Variants in RBCK1 observed in about 807,000 individuals in gnomAD.
The protein encoded by RBCK1 is ranBP-type and C3HC4-type zinc finger-containing protein 1.
RBCK1 carries 44 observed loss-of-function variants against 71.1 expected under a neutral mutation model. That is an observed-to-expected ratio of 0.62 (90% confidence interval 0.49 to 0.80). The LOEUF (loss-of-function observed/expected upper bound fraction) is 0.80, where lower values mean the gene tolerates loss of function less well. Ranked by LOEUF, RBCK1 falls within the 30% of genes least tolerant of loss-of-function variation. The probability of loss-of-function intolerance (pLI) is 0.00; values close to 1 mark genes in which losing one functional copy is unlikely to be tolerated. For missense variants in RBCK1, 569 were observed against 685.0 expected, an observed-to-expected ratio of 0.83 and a Z score of 1.89; for synonymous variants, 306 against 279.7, an observed-to-expected ratio of 1.09 and a Z score of -0.94.
At chr20:413,781 A>G (rs2015835773) in intron 2 of RBCK1, among the ~76,000 whole-genome samples, 1 of 151,808 alleles carries the variant, frequency 6.6e-6, no homozygotes, top group Non-Finnish European at 1.5e-5. Flanking sequence ...TTCCTAGCAA[A>G]TGATACCTGT....
intron 8 of RBCK1, among the ~76,000 whole-genome samples, chr20:426,423 AGCACCT>A (rs2016718017): frequency 6.6e-6 from 1 of 151,708 alleles, no homozygotes; most frequent in African/African-American, 2.4e-5. Context: ...TTCGATTTTT[AGCACCT>A]GCAAATAAGT....
At chr20:423,859 G>C (rs147820294) in intron 8 of RBCK1, among the ~76,000 whole-genome samples, 3 of 152,286 alleles carry the variant, frequency 2.0e-5, no homozygotes, top group Admixed American at 6.5e-5. Context: ...GGTCTCATCT[G>C]TGATGACTGG....
At chr20:418,068 G>A (rs2016104988) in intron 4 of RBCK1, 138 bp downstream of exon 4, 8 of 862,620 alleles carry the variant, frequency 9.3e-6, no homozygotes, top group Non-Finnish European at 1.4e-5. Flanking sequence ...GGGGAAGAGA[G>A]GACCTAAGAC....
In RBCK1 at chr20:428,999, G is replaced by A. The variant is rs1341818047; in HGVS notation, c.1357G>A (p.Val453Met). Residue 453 changes from valine (V) to methionine (M), a missense_variant, in exon 11 of 12, where the codon GTG becomes ATG. Around this residue, in one of 2 missense-constraint regions of RBCK1, gnomAD observed 211 missense variants for 309.4 expected, o/e 0.68. Coordinates refer to ENST00000356286, the MANE Select transcript of RBCK1 (RefSeq NM_031229.4). This position sits in a 1 kb window ranked among gnomAD's most constrained non-coding sequence, Gnocchi z 5.7. ...CATGCGCTGCCCCCAGTGCCAGATC[G>A]TGGTACAGAAGAAGGACGGCTGCGA... ...EAMRCPQCQI[V>M]VQKKDGCDWI... 6.8e-6 allele frequency: 11 copies of A among 1,611,970 alleles called. No homozygotes were observed. The highest frequency in any genetic ancestry group is 5.0e-5 in the Admixed American group (3 of 59,986).
rs898378642 is a variant in RBCK1, at chr20:428,438, GCTT to G, written c.1210-49_1210-47del. 1.0e-4 allele frequency: 144 copies of G among 1,383,476 alleles called. No homozygotes were observed. In the African/African-American group the frequency reaches 1.8e-3, roughly 18 times the overall value. 85.7% of individuals were successfully genotyped at this position (1,383,476 alleles called of 1,614,324 possible). A position where few individuals can be genotyped will look rare whatever the true frequency, so the allele number is the denominator to read the frequency against. The stretch of plus-strand genomic sequence containing the variant: ...CCTGCCCTGCACCTCACCTCTCCCA[GCTT>G]CTTAACCCCCTGAGGAACCTTCTTA... On this transcript the variant is annotated intron_variant, in intron 9 of 11. Coordinates refer to ENST00000356286, the MANE Select transcript of RBCK1 (RefSeq NM_031229.4). This position sits in a 1 kb window ranked among gnomAD's most constrained non-coding sequence, Gnocchi z 5.7.
At chr20:414,286 C>T (rs2015873130) in intron 2 of RBCK1, among the ~76,000 whole-genome samples, 1 of 152,062 alleles carries the variant, frequency 6.6e-6, no homozygotes, top group African/African-American at 2.4e-5. Flanking sequence ...GTGGCACACA[C>T]CTGTAGTCCC....
rs2016519161 is a variant in RBCK1, at chr20:422,851, T to C, written c.1029+613T>C. 6.6e-6 allele frequency among the ~76,000 whole-genome samples: 1 copy of C among 151,596 alleles called. No individual in the cohort carries two copies. The highest frequency in any genetic ancestry group is 1.5e-5 in the Non-Finnish European group (1 of 67,864). ...TGCCTCAAAAAAAGAAAAAAAAAAT[T>C]AGTCAGGGAACTCTGGAGCCTGGTG... On this transcript the variant is annotated intron_variant, in intron 8 of 11. Coordinates refer to ENST00000356286, the MANE Select transcript of RBCK1 (RefSeq NM_031229.4). The surrounding 1 kb of genome is among the most constrained non-coding windows in gnomAD (Gnocchi z 5.0).
Position 422,062 on chromosome 20 carries a change from A to G in RBCK1, c.918-65A>G, listed in dbSNP as rs1015554320. On this transcript the variant is annotated intron_variant, in intron 7 of 11. Coordinates refer to ENST00000356286, the MANE Select transcript of RBCK1 (RefSeq NM_031229.4). The surrounding 1 kb of genome is among the most constrained non-coding windows in gnomAD (Gnocchi z 5.0). Reference sequence around the variant, plus strand: ...CCCTGGGGTCAGGCCTTGCCATGTGAGGGATGGAGTCCCCAGTGAAGGGGG... The same window carrying G: ...CCCTGGGGTCAGGCCTTGCCATGTGGGGGATGGAGTCCCCAGTGAAGGGGG... 7.6e-7 allele frequency: 1 copy of G among 1,308,526 alleles called. No homozygotes were observed. Among genetic ancestry groups the G allele is most frequent in the Non-Finnish European group, 1.1e-6 (1 of 920,788 alleles). The allele number at this position is 1,308,526 out of a possible 1,614,324, so 81.1% of individuals were successfully genotyped here. A position where few individuals can be genotyped will look rare whatever the true frequency, so the allele number is the denominator to read the frequency against.
chr20:414,799 T>G (rs947888763), intron 2 of RBCK1, among the ~76,000 whole-genome samples: 2 of 152,230 alleles, frequency 1.3e-5, no homozygotes, highest in Non-Finnish European at 2.9e-5. Flanking sequence ...AAGAACATTT[T>G]GGGGTTAAGA....
Position 417,560 on chromosome 20 carries a change from A to G in RBCK1, c.202A>G (p.Thr68Ala), listed in dbSNP as rs779621384. The G allele has an allele frequency of 1.6e-5, 26 of 1,613,792 alleles. No individual in the cohort carries two copies. The highest frequency in any genetic ancestry group is 2.1e-5 in the Non-Finnish European group (25 of 1,180,012). Residue 68 changes from threonine to alanine, a missense_variant, in exon 3 of 12, where the codon ACC becomes GCC. Physicochemically the swap from Thr to Ala is moderately conservative, Grantham distance 58. This residue lies in a region of RBCK1 where 358 missense variants were observed against 375.6 expected (regional missense o/e 0.95). Transcript: ENST00000356286. The surrounding 1 kb of genome is among the most constrained non-coding windows in gnomAD (Gnocchi z 4.7). ...WVSVEDAQMH[T>A]VTIWLTVRPD... Reference sequence around the variant, plus strand: ...GAGCGTGGAGGATGCTCAGATGCACACCGTCACCATCTGGCTCACAGTGCG... The same window carrying G: ...GAGCGTGGAGGATGCTCAGATGCACGCCGTCACCATCTGGCTCACAGTGCG...
intron 2 of RBCK1, chr20:410,403 C>T: frequency 1.3e-6 from 1 of 779,508 alleles, no homozygotes; most frequent in Non-Finnish European, 2.4e-6. Flanking sequence ...TTCTGCCATT[C>T]ATTCCCAGAT....
At position 417,613 on chromosome 20, in the gene RBCK1, G is replaced by T; in HGVS notation, c.255G>T (p.Lys85Asn). Residue 85 changes from lysine (K) to asparagine (N), a missense_variant, in exon 3 of 12, where the codon AAG becomes AAT. Around this residue, in one of 2 missense-constraint regions of RBCK1, gnomAD observed 358 missense variants for 375.6 expected, o/e 0.95. Transcript: ENST00000356286. This position sits in a 1 kb window ranked among gnomAD's most constrained non-coding sequence, Gnocchi z 4.7. ...VRPDMTVASL[K>N]DMVFLDYGFP... ...CTGATATGACAGTGGCGTCTCTCAA[G>T]GACATGGTGAGTGAGGAGGCGGAGG... is the stretch of plus-strand genomic sequence containing the variant. 1 of 1,613,452 alleles carries T rather than the reference G, an allele frequency of 6.2e-7. No homozygotes were observed.
At position 420,852 on chromosome 20, in the gene RBCK1, C is replaced by T. The variant is rs1344512033; in HGVS notation, c.757-19C>T. The T allele has an allele frequency of 5.8e-6, 9 of 1,543,838 alleles. No individual in the cohort carries two copies. Among genetic ancestry groups the T allele is most frequent in the Middle Eastern group, 2.3e-4 (1 of 4,394 alleles). The stretch of plus-strand genomic sequence containing the variant: ...CCCGAGGCCCTGACCCGCCCCGTGG[C>T]CCCGCCCCGTGTGCCCAGCGGAAGC... On this transcript the variant is annotated intron_variant, in intron 6 of 11. Coordinates refer to ENST00000356286, the MANE Select transcript of RBCK1 (RefSeq NM_031229.4).
At position 417,581 on chromosome 20, in the gene RBCK1, G is replaced by T; in HGVS notation, c.223G>T (p.Val75Leu). 2.5e-6 allele frequency: 4 copies of T among 1,614,040 alleles called. No individual in the cohort carries two copies. The highest frequency in any genetic ancestry group is 3.4e-6 in the Non-Finnish European group (4 of 1,180,022). ...QMHTVTIWLT[V>L]RPDMTVASLK... ...GCACACCGTCACCATCTGGCTCACA[G>T]TGCGCCCTGATATGACAGTGGCGTC... The change falls in exon 3 of 12, where the codon GTG becomes TTG. Residue 75 changes from valine (V) to leucine (L), a missense_variant. Around this residue, in one of 2 missense-constraint regions of RBCK1, gnomAD observed 358 missense variants for 375.6 expected, o/e 0.95. Transcript: ENST00000356286. The surrounding 1 kb of genome is among the most constrained non-coding windows in gnomAD (Gnocchi z 4.7).
In RBCK1 at chr20:408,754, C is replaced by G. The variant is rs766182401; in HGVS notation, c.-4C>G. The G allele has an allele frequency of 6.2e-7, 1 of 1,612,574 alleles. No individual in the cohort carries two copies. Among genetic ancestry groups the G allele is most frequent in the Admixed American group, 1.7e-5 (1 of 59,796 alleles). ...CCCCAGGGGGATGGGCACAGCCACG[C>G]CAGATGGACGAGAAGACCAAGAAAG... On this transcript the variant is annotated 5_prime_UTR_variant, in exon 1 of 12. Coordinates refer to ENST00000356286, the MANE Select transcript of RBCK1 (RefSeq NM_031229.4).
intron 6 of RBCK1, 131 bp downstream of exon 6, chr20:419,862 TG>T (rs1333119926): frequency 0.14 from 56,228 of 413,116 alleles, 1,410 homozygotes; most frequent in African/African-American, 0.39. Flanking sequence ...CTGCTGGCAG[TG>T]ACCCTGCACC....
chr20:417,343 G>C lies in RBCK1; in HGVS notation c.168-183G>C, dbSNP rs1396443899. On this transcript the variant is annotated intron_variant, in intron 2 of 11. Coordinates refer to ENST00000356286, the MANE Select transcript of RBCK1 (RefSeq NM_031229.4). This position sits in a 1 kb window ranked among gnomAD's most constrained non-coding sequence, Gnocchi z 4.7. ...TGGAGCCATTGGAGGGGCCTAACTG[G>C]TGGGTTCTAATAAAGGAAGAAGCAT... The C allele has an allele frequency of 1.4e-6, 1 of 738,394 alleles. No homozygotes were observed. Among genetic ancestry groups the C allele is most frequent in the South Asian group, 1.4e-5 (1 of 70,118 alleles). The allele number at this position is 738,394 out of a possible 1,614,324, so 45.7% of individuals were successfully genotyped here. A position where few individuals can be genotyped will look rare whatever the true frequency, so the allele number is the denominator to read the frequency against.
rs1165538930 is a variant in RBCK1, at chr20:419,467, C to T, written c.581C>T (p.Pro194Leu). ...CCAGATGCAGTGCCTGAGCCCCCAC[C>T]GGTAAGCTGTCCTTGGCCTCAGTAT... ...GQPDAVPEPP[P>L]VGWQCPGCTF... is the part of the protein sequence containing the mutation. Residue 194 changes from proline to leucine, a missense_variant and splice_region_variant, in exon 5 of 12, where the codon CCG (proline) becomes CTG (leucine). Pro to Leu is a moderately conservative substitution (Grantham distance 98, BLOSUM62 -3). Transcript: ENST00000356286. 4 of 1,605,798 alleles carry T rather than the reference C, an allele frequency of 2.5e-6. No individual in the cohort carries two copies. The highest frequency in any genetic ancestry group is 2.2e-5 in the East Asian group (1 of 44,856).
chr20:430,528 C>T lies in RBCK1; in HGVS notation c.*98C>T, dbSNP rs573658689. On this transcript the variant is annotated 3_prime_UTR_variant, in exon 12 of 12. Coordinates refer to ENST00000356286, the MANE Select transcript of RBCK1 (RefSeq NM_031229.4). The surrounding 1 kb of genome is among the most constrained non-coding windows in gnomAD (Gnocchi z 5.6). ...TCGTGGACGGCCTTGCTTGCTGTAG[C>T]GTTGTAGGGGCCCTGCCTGCACTGC... 3.2e-6 allele frequency: 4 copies of T among 1,235,076 alleles called. No individual in the cohort carries two copies. Among genetic ancestry groups the T allele is most frequent in the Middle Eastern group, 1.9e-4 (1 of 5,194 alleles). 76.5% of individuals were successfully genotyped at this position (1,235,076 alleles called of 1,614,324 possible).
Sources: allele counts gnomAD v4.1 joint callset (sites outside exome capture counted in the v4.1 genomes callset), GRCh38; gene constraint gnomAD v4.1.1; regional missense constraint gnomAD v4.1.1; non-coding constraint Gnocchi (gnomAD v3.1); transcripts MANE v1.5; gene names NCBI Gene and HGNC (gene_info 2026-07-23, HGNC 2026-07-21).